Variants in ERN1 observed in about 807,000 individuals in gnomAD.
ERN1 encodes the protein endoplasmic reticulum to nucleus signaling 1, also known as serine/threonine-protein kinase/endoribonuclease IRE1.
ERN1 carries 39 observed loss-of-function variants against 113.1 expected under a neutral mutation model. The ratio of observed to expected loss-of-function variants is 0.34; its 90% CI spans 0.27 to 0.45. ERN1 has a LOEUF of 0.45. ERN1 is among the 20% of genes least tolerant of loss of function. The probability of loss-of-function intolerance (pLI) is 1.00; values close to 1 mark genes in which losing one functional copy is unlikely to be tolerated. For missense variants in ERN1, 976 were observed against 1,274.8 expected, an observed-to-expected ratio of 0.77 and a Z score of 3.57; for synonymous variants, 507 against 515.9, an observed-to-expected ratio of 0.98 and a Z score of 0.23.
rs886895345 is a variant in ERN1 at position 64,044,645 on chromosome 17, C to T, written c.2721+215G>A. On this transcript the variant is annotated intron_variant, in intron 21 of 21. Coordinates refer to ENST00000433197, the MANE Select transcript of ERN1 (RefSeq NM_001433.5). The surrounding 1 kb of genome is among the most constrained non-coding windows in gnomAD (Gnocchi z 4.1). ...GAGGGACATGGGCCGCAGAGCACTG[C>T]TTCCCGGAGCTTCACCTGCACCTAC... 4.6e-5 allele frequency among the ~76,000 whole-genome samples: 7 copies of T among 152,266 alleles called. No individual in the cohort carries two copies. Among genetic ancestry groups the T allele is most frequent in the African/African-American group, 1.4e-4 (6 of 41,470 alleles).
At chr17:64,129,503 A>G (rs1915173949) in intron 1 of ERN1, 2 of 291,814 alleles carry the variant, frequency 6.9e-6, no homozygotes, top group East Asian at 1.1e-4. Context: ...AAGTTCAAAC[A>G]AGGATTCGAA....
At chr17:64,101,534 A>G (rs1344684552) in intron 1 of ERN1, among the ~76,000 whole-genome samples, 2 of 152,150 alleles carry the variant, frequency 1.3e-5, no homozygotes, top group Non-Finnish European at 2.9e-5. Flanking sequence ...CACAAAGTAG[A>G]AGTTTTCACA....
At position 64,053,347 on chromosome 17, in the gene ERN1, G is replaced by T. The variant is rs1198431383; in HGVS notation, c.1978C>A (p.His660Asn). 3 of 1,611,166 alleles carry T rather than the reference G, an allele frequency of 1.9e-6. No homozygotes were observed. The highest frequency in any genetic ancestry group is 4.5e-5 in the East Asian group (2 of 44,842). The change falls in exon 16 of 22, where the codon CAT becomes AAT. Residue 660 changes from histidine to asparagine, a missense_variant. Physicochemically the swap from His to Asn is moderately conservative, Grantham distance 68 (BLOSUM62 1). This residue lies in a region of ERN1 where 297 missense variants were observed against 457.8 expected (regional missense o/e 0.65). Transcript: ENST00000433197. ...AAGGTGATGGGCTCCAGGCCGAGAT[G>T]CGCAAAGTCCTTCTGCTCCACATAC... ...QEYVEQKDFA[H>N]LGLEPITLLQ...
chr17:64,069,579 G>T (rs936516753), intron 6 of ERN1, among the ~76,000 whole-genome samples: 2 of 152,172 alleles, frequency 1.3e-5, no homozygotes, highest in Non-Finnish European at 2.9e-5. Flanking sequence ...CTGGAGGAGG[G>T]GAACCTGAAA....
intron 5 of ERN1, among the ~76,000 whole-genome samples, chr17:64,073,395 T>G (rs1240044601): frequency 3.3e-5 from 5 of 150,110 alleles, no homozygotes; most frequent in Non-Finnish European, 7.4e-5. Flanking sequence ...CAGGATGGTC[T>G]CCATCTCCTG....
intron 1 of ERN1, among the ~76,000 whole-genome samples, chr17:64,125,637 T>C (rs1159883390): frequency 2.0e-5 from 3 of 152,292 alleles, no homozygotes; most frequent in Non-Finnish European, 4.4e-5. Context: ...TACAGGTGCA[T>C]GCCACCTTGC....
rs1291584204 is a variant in ERN1 at position 64,041,053 on chromosome 17, CAGG to C, written c.*2932_*2934del. On this transcript the variant is annotated 3_prime_UTR_variant, in exon 22 of 22. Transcript: ENST00000433197. ...ATCCCAGCTACTCGGGAGGCTGAGGCAGGAGAATTGCTTGAACCAAGGAGGCGG... is the reference window on the plus strand; with the variant it reads ...ATCCCAGCTACTCGGGAGGCTGAGGCAGAATTGCTTGAACCAAGGAGGCGG... 1 of 152,174 alleles carries C rather than the reference CAGG, an allele frequency of 6.6e-6. No individual in the cohort carries two copies. Among genetic ancestry groups the C allele is most frequent in the South Asian group, 2.1e-4 (1 of 4,824 alleles). 9.4% of individuals were successfully genotyped at this position (152,174 alleles called of 1,614,324 possible).
At chr17:64,065,779 G>A (rs571127891) in intron 8 of ERN1, among the ~76,000 whole-genome samples, 1 of 152,248 alleles carries the variant, frequency 6.6e-6, no homozygotes, top group South Asian at 2.1e-4. Flanking sequence ...TGGATGCTGA[G>A]AGCAAAAGGG....
intron 1 of ERN1, among the ~76,000 whole-genome samples, chr17:64,101,170 A>T (rs1914373854): frequency 2.0e-5 from 3 of 152,318 alleles, no homozygotes; most frequent in Non-Finnish European, 4.4e-5. Flanking sequence ...GCACTTTGGG[A>T]GGCCGAGGCA....
chr17:64,056,757 C>G (rs948028513), intron 12 of ERN1, among the ~76,000 whole-genome samples: 3 of 152,154 alleles, frequency 2.0e-5, no homozygotes, highest in African/African-American at 4.8e-5. Context: ...GCTGGGTACC[C>G]GTGGGGAAAG....
intron 1 of ERN1, among the ~76,000 whole-genome samples, chr17:64,120,673 T>G (rs1418607135): frequency 6.6e-6 from 1 of 152,142 alleles, no homozygotes; most frequent in African/African-American, 2.4e-5. Flanking sequence ...TCATGGAGTT[T>G]GGCAATGGAA....
chr17:64,110,565 C>T (rs1481403031), intron 1 of ERN1, among the ~76,000 whole-genome samples: 2 of 152,124 alleles, frequency 1.3e-5, no homozygotes, highest in African/African-American at 2.4e-5. Context: ...CAAGGAAACG[C>T]GCATTACTGA....
rs1227785606 is a variant in ERN1 at position 64,042,955 on chromosome 17, A to G, written c.*1033T>C. 2.6e-5 allele frequency: 4 copies of G among 152,316 alleles called. No individual in the cohort carries two copies. The highest frequency in any genetic ancestry group is 9.6e-5 in the African/African-American group (4 of 41,474). The allele number at this position is 152,316 out of a possible 1,614,324, so 9.4% of individuals were successfully genotyped here. ...ATATAGTTATTAAAATTTGCCAAGAAAAACAAAAAAGCTGGCCCATGAAGC... is the reference window on the plus strand; with the variant it reads ...ATATAGTTATTAAAATTTGCCAAGAGAAACAAAAAAGCTGGCCCATGAAGC... On this transcript the variant is annotated 3_prime_UTR_variant, in exon 22 of 22. Transcript: ENST00000433197.
chr17:64,054,587 G>A lies in ERN1; in HGVS notation c.1764-148C>T, dbSNP rs1912795229. On this transcript the variant is annotated intron_variant, in intron 14 of 21. Coordinates refer to ENST00000433197, the MANE Select transcript of ERN1 (RefSeq NM_001433.5). This position sits in a 1 kb window ranked among gnomAD's most constrained non-coding sequence, Gnocchi z 4.9. ...CCTGGTGGCCCCGGAATCATCGCTT[G>A]TCTCAGTGTGCAAGCTCCCTGGAGG... 1 of 997,206 alleles carries A rather than the reference G, an allele frequency of 1.0e-6. No homozygotes were observed. The highest frequency in any genetic ancestry group is 2.6e-5 in the East Asian group (1 of 38,116). 61.8% of individuals were successfully genotyped at this position (997,206 alleles called of 1,614,324 possible).
chr17:64,067,643 G>A (rs147511443), intron 7 of ERN1, among the ~76,000 whole-genome samples: 83 of 151,812 alleles, frequency 5.5e-4, no homozygotes, highest in African/African-American at 2.0e-3. Flanking sequence ...CTGAAAGTCA[G>A]ACCTGAACCA....
At position 64,044,093 on chromosome 17, in the gene ERN1, G is replaced by A. The variant is rs1298855782; in HGVS notation, c.2829C>T (p.His943=). 8 of 1,613,524 alleles carry A rather than the reference G, an allele frequency of 5.0e-6. No homozygotes were observed. The South Asian group carries it at 8.8e-5, about 18-fold the overall frequency. ...FTSRFPHLLA[H]TYRAMELCSH... ...TGCACAGCTCCATGGCCCGGTAGGT[G>A]TGTGCGAGGAGGTGGGGGAAGCGAG... is the stretch of plus-strand genomic sequence containing the variant. The change falls in exon 22 of 22, where the codon CAC becomes CAT. Residue 943 remains histidine (H), a synonymous_variant. Transcript: ENST00000433197. This position sits in a 1 kb window ranked among gnomAD's most constrained non-coding sequence, Gnocchi z 4.1.
Position 64,063,746 on chromosome 17 carries a change from A to G in ERN1, c.1087+240T>C, listed in dbSNP as rs769173589. Among the ~76,000 whole-genome samples, 16 of 152,368 alleles carry G rather than the reference A, an allele frequency of 1.1e-4. No individual in the cohort carries two copies. The highest frequency in any genetic ancestry group is 1.9e-4 in the East Asian group (1 of 5,188). On this transcript the variant is annotated intron_variant, in intron 10 of 21. Coordinates refer to ENST00000433197, the MANE Select transcript of ERN1 (RefSeq NM_001433.5). This position sits in a 1 kb window ranked among gnomAD's most constrained non-coding sequence, Gnocchi z 5.1. Reference sequence around the variant, plus strand: ...TGTCGGATACTCACACAAGGTTTACATTAATTTAGTACCTGAGTTTTGGAA... The same window carrying G: ...TGTCGGATACTCACACAAGGTTTACGTTAATTTAGTACCTGAGTTTTGGAA...
chr17:64,091,090 T>C (rs142622097), intron 2 of ERN1, among the ~76,000 whole-genome samples: 182 of 152,342 alleles, frequency 1.2e-3, no homozygotes, highest in African/African-American at 4.2e-3. Flanking sequence ...ATTGTAAGCC[T>C]AGAAAAGTCC....
At chr17:64,070,410 C>T (rs552917395) in intron 6 of ERN1, among the ~76,000 whole-genome samples, 8 of 152,210 alleles carry the variant, frequency 5.3e-5, no homozygotes, top group Non-Finnish European at 8.8e-5. Flanking sequence ...CCAGCTCCTT[C>T]GAACACCACA....
Sources: allele counts gnomAD v4.1 joint callset (sites outside exome capture counted in the v4.1 genomes callset), GRCh38; gene constraint gnomAD v4.1.1; regional missense constraint gnomAD v4.1.1; non-coding constraint Gnocchi (gnomAD v3.1); transcripts MANE v1.5; gene names NCBI Gene and HGNC (gene_info 2026-07-23, HGNC 2026-07-21).